The following DAGLB variants were observed in gnomAD, a reference collection of about 807,000 sequenced individuals.
The protein encoded by DAGLB is diacylglycerol lipase-beta.
Under a neutral mutation model 72.1 loss-of-function variants are expected in DAGLB, and 66 were observed. The ratio of observed to expected loss-of-function variants is 0.92; its 90% CI spans 0.75 to 1.12. The LOEUF (loss-of-function observed/expected upper bound fraction) is 1.12, where lower values mean the gene tolerates loss of function less well. Ranked by LOEUF, DAGLB falls within the 50% of genes most tolerant of loss-of-function variation. The pLI, the probability that DAGLB is intolerant of heterozygous loss-of-function variation, is 0.00. For synonymous variants in DAGLB, 414 were observed against 359.5 expected (o/e 1.15, Z -1.71); for missense variants, 1,065 against 884.9 (o/e 1.20, Z -2.58).
intron 3 of DAGLB, among the ~76,000 whole-genome samples, chr7:6,435,979 G>A (rs1002715524): frequency 1.3e-5 from 2 of 151,806 alleles, no homozygotes; most frequent in Admixed American, 6.6e-5. Context: ...TCTGGACACC[G>A]TATCTCTTTT....
intron 6 of DAGLB, among the ~76,000 whole-genome samples, chr7:6,427,998 G>A (rs1364321123): frequency 6.6e-6 from 1 of 152,096 alleles, no homozygotes; most frequent in Non-Finnish European, 1.5e-5. Context: ...GGGATAAAAA[G>A]CTCTTTTTTA....
At chr7:6,430,753 G>C (rs1372050370) in intron 5 of DAGLB, 146 bp from the exon 6 acceptor site, 1 of 902,832 alleles carries the variant, frequency 1.1e-6, no homozygotes, top group Non-Finnish European at 1.5e-6. Context: ...AGGCAAAACT[G>C]CTCCTTCAAT....
chr7:6,418,440 T>TA (rs1783989693), intron 9 of DAGLB, among the ~76,000 whole-genome samples: 1 of 152,138 alleles, frequency 6.6e-6, no homozygotes, highest in South Asian at 2.1e-4. Context: ...AGTTAAGCCC[T>TA]AAAAAAATTT....
Position 6,432,899 on chromosome 7 carries a change from C to A in DAGLB, c.739G>T (p.Asp247Tyr), listed in dbSNP as rs1784534728. Residue 247 changes from aspartate to tyrosine, a missense_variant, in exon 5 of 15, where the codon GAC (aspartate) becomes TAC (tyrosine). Coordinates refer to ENST00000297056, the MANE Select transcript of DAGLB (RefSeq NM_139179.4). ...AGLALLHQQQ[D>Y]NIRNNQEPAQ... ...GGCTCTTGGTTGTTCCTGATATTGTCCTGTTGCTGATGAAGCAGGGCGAGG... is the reference window on the plus strand; with the variant it reads ...GGCTCTTGGTTGTTCCTGATATTGTACTGTTGCTGATGAAGCAGGGCGAGG... 1 of 1,613,784 alleles carries A rather than the reference C, an allele frequency of 6.2e-7. No homozygotes were observed. Among genetic ancestry groups the A allele is most frequent in the Admixed American group, 1.7e-5 (1 of 59,996 alleles).
chr7:6,427,621 ATCT>A (rs1470319147), intron 6 of DAGLB, among the ~76,000 whole-genome samples: 1 of 152,130 alleles, frequency 6.6e-6, no homozygotes, highest in Non-Finnish European at 1.5e-5. Flanking sequence ...AAATCTCATG[ATCT>A]TTAAAATAAA....
intron 11 of DAGLB, among the ~76,000 whole-genome samples, chr7:6,414,305 C>T (rs369356125): frequency 5.4e-5 from 8 of 149,150 alleles, no homozygotes; most frequent in African/African-American, 1.0e-4. Context: ...CCACCACACC[C>T]GGCCAATTTT....
intron 2 of DAGLB, among the ~76,000 whole-genome samples, chr7:6,440,315 C>T (rs148308154): frequency 0.022 from 3,347 of 150,796 alleles, 57 homozygotes; most frequent in Middle Eastern, 0.056. Context: ...ACCCAGAAGG[C>T]GGAGGTTGCG....
intron 2 of DAGLB, among the ~76,000 whole-genome samples, chr7:6,444,226 T>C (rs1000229358): frequency 8.6e-5 from 13 of 151,928 alleles, no homozygotes; most frequent in African/African-American, 1.9e-4. Context: ...TGAGCTATGA[T>C]TGCGCCACTG....
intron 2 of DAGLB, among the ~76,000 whole-genome samples, chr7:6,445,178 A>C (rs1270766246): frequency 1.3e-5 from 2 of 152,250 alleles, no homozygotes; most frequent in Non-Finnish European, 2.9e-5. Context: ...CTTGTATGCG[A>C]ATGTTCATAG....
chr7:6,431,881 T>C (rs1284298636), intron 5 of DAGLB, among the ~76,000 whole-genome samples: 3 of 152,158 alleles, frequency 2.0e-5, no homozygotes, highest in East Asian at 1.9e-4. Flanking sequence ...GGTGATGCAA[T>C]ACAACCAGTG....
At position 6,409,719 on chromosome 7, in the gene DAGLB, C is replaced by A. The variant is rs776181684; in HGVS notation, c.*118G>T. On this transcript the variant is annotated 3_prime_UTR_variant, in exon 15 of 15. Coordinates refer to ENST00000297056, the MANE Select transcript of DAGLB (RefSeq NM_139179.4). Reference sequence around the variant, plus strand: ...GAGACCATGGAATTCTGTTCCCATCCGATTCCTGTTGATGGACATTCGCTG... The same window carrying A: ...GAGACCATGGAATTCTGTTCCCATCAGATTCCTGTTGATGGACATTCGCTG... The A allele has an allele frequency of 6.8e-6, 8 of 1,168,500 alleles. No individual in the cohort carries two copies. The East Asian group carries it at 1.8e-4, about 26-fold the overall frequency. 72.4% of individuals were successfully genotyped at this position (1,168,500 alleles called of 1,614,324 possible).
intron 2 of DAGLB, among the ~76,000 whole-genome samples, chr7:6,441,041 T>C (rs531179649): frequency 1.3e-5 from 2 of 150,592 alleles, no homozygotes; most frequent in East Asian, 3.9e-4. Flanking sequence ...CTCCCAGCTT[T>C]CGATACATAT....
chr7:6,437,743 G>C (rs1043513185), intron 2 of DAGLB, among the ~76,000 whole-genome samples: 3 of 152,122 alleles, frequency 2.0e-5, no homozygotes, highest in Non-Finnish European at 4.4e-5. Flanking sequence ...CCGCCTCCCA[G>C]GTTCAAGTGA....
rs190451826 is a variant in DAGLB, at chr7:6,410,970, C to T, written c.1570-590G>A. Among the ~76,000 whole-genome samples, 241 of 150,894 alleles carry T rather than the reference C, an allele frequency of 1.6e-3. 8 individuals are homozygous for T. The highest frequency in any genetic ancestry group is 0.016 in the Admixed American group (236 of 15,116). On this transcript the variant is annotated intron_variant, in intron 13 of 14. Coordinates refer to ENST00000297056, the MANE Select transcript of DAGLB (RefSeq NM_139179.4). Reference sequence around the variant, plus strand: ...CACAATCTTGGCTCTCTGCAAGCTCCGCCTCCCGGGTTCACGCCATTCTCC... The same window carrying T: ...CACAATCTTGGCTCTCTGCAAGCTCTGCCTCCCGGGTTCACGCCATTCTCC...
At chr7:6,446,191 G>C (rs954737480) in intron 1 of DAGLB, 87 bp from the exon 2 acceptor site, 2 of 1,404,760 alleles carry the variant, frequency 1.4e-6, no homozygotes. Flanking sequence ...AAAGGGGACA[G>C]GGCGCGGTGG....
At chr7:6,436,626 T>C (rs1318610947) in intron 2 of DAGLB, 93 bp from the exon 3 acceptor site, 16 of 1,534,428 alleles carry the variant, frequency 1.0e-5, no homozygotes, top group Non-Finnish European at 1.2e-5. Context: ...AGAGCATACA[T>C]TTGTACTGTG....
In DAGLB at chr7:6,410,236, C is replaced by A. The variant is rs1341730386; in HGVS notation, c.1714G>T (p.Ala572Ser). The A allele has an allele frequency of 6.2e-7, 1 of 1,612,232 alleles. No individual in the cohort carries two copies. The highest frequency in any genetic ancestry group is 1.7e-5 in the Admixed American group (1 of 59,696). The change falls in exon 14 of 15, where the codon GCC (alanine) becomes TCC (serine). Residue 572 changes from alanine to serine, a missense_variant. Transcript: ENST00000297056. ...EQSLLTRWSP[A>S]YSFSSDSPLD... is the part of the protein sequence containing the mutation. ...GGGGAGTCGCTGGAGAAGCTGTAGG[C>A]CGGGGACCAGCGCGTCAGTAGGCTC...
At position 6,432,885 on chromosome 7, in the gene DAGLB, G is replaced by A; in HGVS notation, c.753C>T (p.Asn251=). ...AGACCACCTGGGCAGGCTCTTGGTT[G>A]TTCCTGATATTGTCCTGTTGCTGAT... ...LLHQQQDNIR[N]NQEPAQVVCH... Residue 251 remains asparagine, a synonymous_variant, in exon 5 of 15, where the codon AAC becomes AAT. Coordinates refer to ENST00000297056, the MANE Select transcript of DAGLB (RefSeq NM_139179.4). 6.2e-7 allele frequency: 1 copy of A among 1,613,930 alleles called. No homozygotes were observed. The highest frequency in any genetic ancestry group is 8.5e-7 in the Non-Finnish European group (1 of 1,180,032).
intron 13 of DAGLB, chr7:6,412,525 A>C: frequency 2.4e-6 from 1 of 419,714 alleles, no homozygotes; most frequent in South Asian, 4.1e-5. Context: ...GCCTCAAGGG[A>C]TCCTCCTGCC....
Sources: gnomAD v4.1 joint callset for allele counts (sites outside exome capture counted in the v4.1 genomes callset) on GRCh38, gnomAD v4.1.1 for gene constraint, MANE v1.5 for transcripts, NCBI Gene and HGNC (gene_info 2026-07-23, HGNC 2026-07-21) for gene names.